The following ADAMTS3 variants were observed in gnomAD, a reference collection of about 807,000 sequenced individuals.
ADAMTS3 encodes A disintegrin and metalloproteinase with thrombospondin motifs 3.
In ADAMTS3, 73 loss-of-function variants were observed where a neutral mutation model predicts 129.0. That is an observed-to-expected ratio of 0.57 (90% CI 0.47 to 0.69). The LOEUF is 0.69. ADAMTS3 is among the 30% of genes least tolerant of loss of function. The pLI, the probability that ADAMTS3 is intolerant of heterozygous loss-of-function variation, is 0.00. For missense variants in ADAMTS3, 1,457 were observed against 1,514.5 expected, an observed-to-expected ratio of 0.96 and a Z score of 0.63; for synonymous variants, 477 against 510.8, an observed-to-expected ratio of 0.93 and a Z score of 0.89.
chr4:72,405,451 TA>T (rs577304828), intron 4 of ADAMTS3, among the ~76,000 whole-genome samples: 422 of 151,980 alleles, frequency 2.8e-3, no homozygotes, highest in Non-Finnish European at 4.5e-3. Flanking sequence ...AAGTAATATT[TA>T]AAAAAAACAG....
intron 3 of ADAMTS3, among the ~76,000 whole-genome samples, chr4:72,420,974 T>C (rs1402811527): frequency 6.6e-6 from 1 of 152,044 alleles, no homozygotes; most frequent in Non-Finnish European, 1.5e-5. Flanking sequence ...TTGGGATACA[T>C]CTTCTCAGGG....
chr4:72,551,857 TGTCAAA>T (rs1721654862), intron 2 of ADAMTS3, among the ~76,000 whole-genome samples: 2 of 152,184 alleles, frequency 1.3e-5, no homozygotes, highest in South Asian at 4.1e-4. Context: ...AGCATCTTGC[TGTCAAA>T]GTCTAATTTA....
chr4:72,381,325 T>G (rs751235173), intron 4 of ADAMTS3, among the ~76,000 whole-genome samples: 1 of 152,196 alleles, frequency 6.6e-6, no homozygotes, highest in South Asian at 2.1e-4. Flanking sequence ...TAGAACTGAA[T>G]GCCTAATCAA....
intron 3 of ADAMTS3, among the ~76,000 whole-genome samples, chr4:72,444,090 C>T (rs1716649980): frequency 6.6e-6 from 1 of 151,786 alleles, no homozygotes; most frequent in African/African-American, 2.4e-5. Flanking sequence ...AGGCAGCAGG[C>T]TGCACAGCTA....
At chr4:72,541,059 G>A (rs938948591) in intron 3 of ADAMTS3, among the ~76,000 whole-genome samples, 1 of 152,152 alleles carries the variant, frequency 6.6e-6, no homozygotes, top group African/African-American at 2.4e-5. Context: ...CCACATGCCT[G>A]GAAAAGCTGC....
Position 72,326,832 on chromosome 4 carries a change from A to G in ADAMTS3, c.862-3735T>C, listed in dbSNP as rs74881571. Among the ~76,000 whole-genome samples, 692 of 152,306 alleles carry G rather than the reference A, an allele frequency of 4.5e-3. 4 individuals are homozygous for G. Among genetic ancestry groups the G allele is most frequent in the African/African-American group, 0.016 (662 of 41,582 alleles). On this transcript the variant is annotated intron_variant, in intron 5 of 21. Transcript: ENST00000286657. ...AATTTGTTAAATCTCAATCTCAATG[A>G]AACATCTAGTTTAAATTATCAATAA...
In ADAMTS3 at chr4:72,283,409, A is replaced by G; in HGVS notation, c.3345T>C (p.Tyr1115=). 6.2e-7 allele frequency: 1 copy of G among 1,613,988 alleles called. No individual in the cohort carries two copies. Among genetic ancestry groups the G allele is most frequent in the East Asian group, 2.2e-5 (1 of 44,834 alleles). ...SISSVGGPNA[Y]AAFRPNSKPD... ...GTTTACTGTTTGGCCTGAAAGCAGC[A>G]TATGCATTTGGACCTCCCACTGAAG... The change falls in exon 22 of 22, where the codon TAT becomes TAC. Residue 1115 remains tyrosine (Y), a synonymous_variant. Coordinates refer to ENST00000286657, the MANE Select transcript of ADAMTS3 (RefSeq NM_014243.3).
At chr4:72,556,075 C>T (rs1721758592) in intron 2 of ADAMTS3, among the ~76,000 whole-genome samples, 1 of 151,826 alleles carries the variant, frequency 6.6e-6, no homozygotes, top group East Asian at 1.9e-4. Flanking sequence ...TTTGCACCAA[C>T]CTAAGAGCAG....
intron 5 of ADAMTS3, among the ~76,000 whole-genome samples, chr4:72,328,879 T>C (rs996507761): frequency 6.6e-6 from 1 of 152,180 alleles, no homozygotes; most frequent in African/African-American, 2.4e-5. Context: ...AGTATTACTC[T>C]GTCCACAACT....
chr4:72,569,050 G>C lies in ADAMTS3; in HGVS notation c.-288C>G, dbSNP rs1175782129. The C allele has an allele frequency of 4.1e-6, 2 of 490,616 alleles. No individual in the cohort carries two copies. The highest frequency in any genetic ancestry group is 3.9e-5 in the African/African-American group (2 of 51,876). The allele number at this position is 490,616 out of a possible 1,614,324, so 30.4% of individuals were successfully genotyped here. A position where few individuals can be genotyped will look rare whatever the true frequency, so the allele number is the denominator to read the frequency against. On this transcript the variant is annotated 5_prime_UTR_variant, in exon 1 of 22. Transcript: ENST00000286657. ...AAGCGGGCACAGGCTAAGCCTGGGA[G>C]AGGGGGAAGGGACGAGGGGCTTTCC...
At chr4:72,460,471 T>C (rs1450012843) in intron 3 of ADAMTS3, among the ~76,000 whole-genome samples, 1 of 151,394 alleles carries the variant, frequency 6.6e-6, no homozygotes, top group African/African-American at 2.4e-5. Context: ...TTTAAAAAAC[T>C]AGCTTGTAAC....
chr4:72,490,112 G>C (rs943484407), intron 3 of ADAMTS3, among the ~76,000 whole-genome samples: 2 of 151,872 alleles, frequency 1.3e-5, no homozygotes, highest in Non-Finnish European at 2.9e-5. Flanking sequence ...CTGATGATTA[G>C]TGATGTGGAG....
rs1720894954 is a variant in ADAMTS3 at position 72,367,401 on chromosome 4, T to G, written c.662-27708A>C. ...AAAATTATATTAACAGCAACAAGTT[T>G]TGTCAAACAAGTGCAGATTTATTTA... On this transcript the variant is annotated intron_variant, in intron 4 of 21. Coordinates refer to ENST00000286657, the MANE Select transcript of ADAMTS3 (RefSeq NM_014243.3). 2.0e-5 allele frequency among the ~76,000 whole-genome samples: 3 copies of G among 152,074 alleles called. No homozygotes were observed. The South Asian group carries it at 6.2e-4, about 31-fold the overall frequency.
chr4:72,414,770 A>G (rs369878542), intron 4 of ADAMTS3, 45 bp downstream of exon 4: 83 of 1,317,274 alleles, frequency 6.3e-5, no homozygotes, highest in Non-Finnish European at 5.3e-5. Flanking sequence ...TTTTCATCAT[A>G]TCTTAAAATT....
chr4:72,294,101 TTTTA>T (rs1432065320), intron 19 of ADAMTS3, among the ~76,000 whole-genome samples: 1 of 152,008 alleles, frequency 6.6e-6, no homozygotes, highest in Non-Finnish European at 1.5e-5. Flanking sequence ...AAGATATACA[TTTTA>T]TTTATTTAAA....
chr4:72,355,829 A>C (rs1250668687), intron 4 of ADAMTS3, among the ~76,000 whole-genome samples: 1 of 152,026 alleles, frequency 6.6e-6, no homozygotes, highest in East Asian at 1.9e-4. Flanking sequence ...AAGAGAAACA[A>C]CAAGGCTGAA....
intron 2 of ADAMTS3, among the ~76,000 whole-genome samples, chr4:72,566,411 G>A (rs544938139): frequency 7.2e-5 from 11 of 152,116 alleles, no homozygotes; most frequent in African/African-American, 2.7e-4. Context: ...GTGTGGCTGT[G>A]GGAATCAGTT....
At chr4:72,486,886 A>C (rs981573694) in intron 3 of ADAMTS3, among the ~76,000 whole-genome samples, 3 of 152,132 alleles carry the variant, frequency 2.0e-5, no homozygotes, top group Non-Finnish European at 4.4e-5. Flanking sequence ...TTAGTTTAAA[A>C]AGGTAGAAGG....
chr4:72,417,794 G>A (rs1004821068), intron 3 of ADAMTS3, among the ~76,000 whole-genome samples: 2 of 151,552 alleles, frequency 1.3e-5, no homozygotes, highest in East Asian at 2.0e-4. Flanking sequence ...TTTGCCAGGC[G>A]TGGTGGCAGG....
Sources: gnomAD v4.1 joint callset for allele counts (sites outside exome capture counted in the v4.1 genomes callset) on GRCh38, gnomAD v4.1.1 for gene constraint, MANE v1.5 for transcripts, NCBI Gene and HGNC (gene_info 2026-07-23, HGNC 2026-07-21) for gene names.